The following SFMBT1 variants were observed in gnomAD, a reference collection of about 807,000 sequenced individuals.
The protein encoded by SFMBT1 is Scm like with four mbt domains 1.
In SFMBT1, 32 loss-of-function variants were observed where a neutral mutation model predicts 108.7. The ratio of observed to expected loss-of-function variants is 0.29; its 90% CI spans 0.22 to 0.40. The LOEUF (loss-of-function observed/expected upper bound fraction) is 0.40. SFMBT1 is among the 10% of genes least tolerant of loss of function. The pLI is 1.00. For missense variants in SFMBT1, 816 were observed against 1,059.6 expected (o/e 0.77, Z 3.19); for synonymous variants, 348 against 369.5 (o/e 0.94, Z 0.67).
At chr3:53,040,499 T>A (rs372188299) in intron 1 of SFMBT1, among the ~76,000 whole-genome samples, 1 of 152,034 alleles carries the variant, frequency 6.6e-6, no homozygotes, top group African/African-American at 2.4e-5. Context: ...AGAACCCAAG[T>A]TTCCCAGATA....
At chr3:52,972,787 ACAC>A (rs1704389674) in intron 1 of SFMBT1, among the ~76,000 whole-genome samples, 3 of 145,656 alleles carry the variant, frequency 2.1e-5, no homozygotes, top group Non-Finnish European at 4.5e-5. Context: ...ACACACACAC[ACAC>A]ACTAGCTGAG....
chr3:53,041,457 G>A (rs1455006756), intron 1 of SFMBT1, among the ~76,000 whole-genome samples: 1 of 152,026 alleles, frequency 6.6e-6, no homozygotes, highest in African/African-American at 2.4e-5. Flanking sequence ...CAGCACTTTG[G>A]GAGGCCAAGG....
intron 1 of SFMBT1, among the ~76,000 whole-genome samples, chr3:53,028,517 A>G (rs1699571613): frequency 6.6e-6 from 1 of 152,158 alleles, no homozygotes; most frequent in East Asian, 1.9e-4. Flanking sequence ...AAAACTACTT[A>G]CTAGCTGGGC....
intron 17 of SFMBT1, among the ~76,000 whole-genome samples, chr3:52,908,137 G>A (rs1702121764): frequency 6.8e-6 from 1 of 147,792 alleles, no homozygotes; most frequent in South Asian, 2.1e-4. Context: ...GGAGTGGCAC[G>A]ATCTCGGCTC....
At chr3:52,968,128 A>G (rs1222051046) in intron 2 of SFMBT1, among the ~76,000 whole-genome samples, 1 of 152,242 alleles carries the variant, frequency 6.6e-6, no homozygotes, top group Non-Finnish European at 1.5e-5. Context: ...CAAACTGTCA[A>G]TATACGCGAG....
intron 1 of SFMBT1, among the ~76,000 whole-genome samples, chr3:53,009,794 CAATAA>C (rs1698881170): frequency 6.6e-6 from 1 of 151,864 alleles, no homozygotes; most frequent in Admixed American, 6.6e-5. Flanking sequence ...TGTATTCTTA[CAATAA>C]AATAAACTAG....
intron 2 of SFMBT1, among the ~76,000 whole-genome samples, chr3:52,955,232 G>T (rs1703739911): frequency 6.6e-6 from 1 of 152,108 alleles, no homozygotes; most frequent in East Asian, 1.9e-4. Context: ...GGCCAACATG[G>T]TGAAACCCCG....
At chr3:52,998,242 A>G (rs2106907771) in intron 1 of SFMBT1, among the ~76,000 whole-genome samples, 1 of 149,810 alleles carries the variant, frequency 6.7e-6, no homozygotes, top group Non-Finnish European at 1.5e-5. Context: ...AATACAAAAA[A>G]TTTGCCGGGC....
At chr3:53,009,081 A>G (rs1237357385) in intron 1 of SFMBT1, among the ~76,000 whole-genome samples, 2 of 151,804 alleles carry the variant, frequency 1.3e-5, no homozygotes, top group Non-Finnish European at 2.9e-5. Context: ...TTGGAGATCA[A>G]TCTGGGCAAC....
chr3:52,941,423 G>A (rs541489862), intron 4 of SFMBT1, among the ~76,000 whole-genome samples: 7 of 151,910 alleles, frequency 4.6e-5, no homozygotes, highest in South Asian at 4.2e-4. Context: ...GCAAAATCCC[G>A]TCTCTACTAA....
chr3:52,931,518 A>G (rs1278335767), intron 6 of SFMBT1, among the ~76,000 whole-genome samples: 2 of 152,026 alleles, frequency 1.3e-5, no homozygotes, highest in East Asian at 3.9e-4. Flanking sequence ...ATGTGTGGTA[A>G]ATTATAAAAG....
chr3:53,036,995 G>A (rs1699889990), intron 1 of SFMBT1, among the ~76,000 whole-genome samples: 1 of 152,166 alleles, frequency 6.6e-6, no homozygotes, highest in South Asian at 2.1e-4. Context: ...TAAAAGACGA[G>A]GCATAGGGAG....
chr3:52,931,089 C>A, intron 6 of SFMBT1, 54 bp from the exon 7 acceptor site: 1 of 1,525,916 alleles, frequency 6.6e-7, no homozygotes, highest in South Asian at 1.1e-5. Flanking sequence ...ATACTTTTTA[C>A]CTGTCCTGAA....
chr3:53,013,309 T>C (rs1026434232), intron 1 of SFMBT1, among the ~76,000 whole-genome samples: 2 of 151,584 alleles, frequency 1.3e-5, no homozygotes, highest in African/African-American at 4.9e-5. Context: ...ACCTAAAGAG[T>C]AAAACTCTTC....
At chr3:52,932,944 A>G (rs1282599768) in intron 5 of SFMBT1, among the ~76,000 whole-genome samples, 1 of 152,140 alleles carries the variant, frequency 6.6e-6, no homozygotes, top group Non-Finnish European at 1.5e-5. Context: ...AAAAGCAAAT[A>G]TCAAAATACC....
chr3:52,967,124 G>A (rs1023040229), intron 2 of SFMBT1, among the ~76,000 whole-genome samples: 1 of 152,046 alleles, frequency 6.6e-6, no homozygotes. Flanking sequence ...AAATCTCACT[G>A]CTCTAGAGAA....
At chr3:53,041,935 A>C (rs1196957616) in intron 1 of SFMBT1, among the ~76,000 whole-genome samples, 4 of 152,184 alleles carry the variant, frequency 2.6e-5, no homozygotes, top group Admixed American at 1.3e-4. Context: ...ATACTAAAAG[A>C]AAAATACTCT....
In SFMBT1 at chr3:53,021,393, A is replaced by T. The variant is rs530494014; in HGVS notation, c.-131+24423T>A. ...GAAAGCAAAATGTTAAAGCTGGGTG[A>T]TGTGTAAACTGGGGATGTATTATAT... is the stretch of plus-strand genomic sequence containing the variant. On this transcript the variant is annotated intron_variant, in intron 1 of 20. Coordinates refer to ENST00000394752, the MANE Select transcript of SFMBT1 (RefSeq NM_016329.4). Among the ~76,000 whole-genome samples, 5 of 152,326 alleles carry T rather than the reference A, an allele frequency of 3.3e-5. No homozygotes were observed. The South Asian group carries it at 8.3e-4, about 25-fold the overall frequency.
intron 1 of SFMBT1, among the ~76,000 whole-genome samples, chr3:52,998,430 T>C (rs993100645): frequency 6.7e-6 from 1 of 149,948 alleles, no homozygotes; most frequent in African/African-American, 2.4e-5. Context: ...AGATCAATAA[T>C]ATTATTTTGC....
Sources: allele counts gnomAD v4.1 joint callset (sites outside exome capture counted in the v4.1 genomes callset), GRCh38; gene constraint gnomAD v4.1.1; transcripts MANE v1.5; gene names NCBI Gene and HGNC (gene_info 2026-07-23, HGNC 2026-07-21).